The following NBAS variants were observed in gnomAD, a reference collection of about 807,000 sequenced individuals.
NBAS encodes the protein NBAS subunit of NRZ tethering complex.
Under a neutral mutation model 302.5 loss-of-function variants are expected in NBAS, and 219 were observed. That is an observed-to-expected ratio of 0.72 (90% confidence interval 0.65 to 0.81). The LOEUF (loss-of-function observed/expected upper bound fraction) is 0.81, where lower values mean the gene tolerates loss of function less well. Ranked by LOEUF, NBAS falls within the 30% of genes least tolerant of loss-of-function variation. NBAS has a pLI of 0.00. For synonymous variants in NBAS, 1,118 were observed against 1,021.6 expected, an observed-to-expected ratio of 1.09 and a Z score of -1.80; for missense variants, 2,932 against 2,841.6, an observed-to-expected ratio of 1.03 and a Z score of -0.72.
chr2:15,397,684 G>T, intron 26 of NBAS: 1 of 516,738 alleles, frequency 1.9e-6, no homozygotes, highest in East Asian at 5.4e-5. Flanking sequence ...TAATGCCCTT[G>T]TACTCGGGCA....
At position 15,292,416 on chromosome 2, in the gene NBAS, C is replaced by T. The variant is rs187236453; in HGVS notation, c.5027+121G>A. On this transcript the variant is annotated intron_variant, in intron 41 of 51. Coordinates refer to ENST00000281513, the MANE Select transcript of NBAS (RefSeq NM_015909.4). ...TAAGACTAGATGAAGTTGGGGAAAG[C>T]CCTATTCATAGCAACCATGAATGTA... 206 of 1,015,224 alleles carry T rather than the reference C, an allele frequency of 2.0e-4. 1 individual carries two copies. The highest frequency in any genetic ancestry group is 1.6e-3 in the Middle Eastern group (6 of 3,656). The allele number at this position is 1,015,224 out of a possible 1,614,324, so 62.9% of individuals were successfully genotyped here.
chr2:14,797,989 C>G, the NBAS span, among the ~76,000 whole-genome samples: 1 of 152,212 alleles, frequency 6.6e-6, no homozygotes, highest in African/African-American at 2.4e-5. Context: ...CTTCTAGTAA[C>G]TTCCGTGTCA....
At chr2:14,959,766 C>T in the NBAS span, among the ~76,000 whole-genome samples, 1 of 152,178 alleles carries the variant, frequency 6.6e-6, no homozygotes, top group Non-Finnish European at 1.5e-5. Context: ...TCCTCAAACC[C>T]AGTTCAAATA....
chr2:14,853,611 A>G, the NBAS span, among the ~76,000 whole-genome samples: 1 of 85,128 alleles, frequency 1.2e-5, no homozygotes, highest in Admixed American at 1.2e-4. Flanking sequence ...TGCTATAAAG[A>G]CACATGCACA....
the NBAS span, among the ~76,000 whole-genome samples, chr2:14,953,055 T>C: frequency 6.6e-6 from 1 of 152,152 alleles, no homozygotes; most frequent in South Asian, 2.1e-4. Flanking sequence ...AAGGATGTTC[T>C]GGGTGGAGGA....
At chr2:15,314,462 A>G (rs1671419674) in intron 38 of NBAS, among the ~76,000 whole-genome samples, 1 of 152,224 alleles carries the variant, frequency 6.6e-6, no homozygotes, top group Non-Finnish European at 1.5e-5. Flanking sequence ...ATTTGAAAGA[A>G]TGAATGGTAT....
the NBAS span, among the ~76,000 whole-genome samples, chr2:14,901,510 A>G: frequency 6.6e-6 from 1 of 152,206 alleles, no homozygotes; most frequent in East Asian, 1.9e-4. Flanking sequence ...AAACACTTTA[A>G]GGGATAAAAA....
the NBAS span, among the ~76,000 whole-genome samples, chr2:14,932,216 G>A: frequency 6.6e-6 from 1 of 152,240 alleles, no homozygotes; most frequent in African/African-American, 2.4e-5. Context: ...CCAGGAGCTG[G>A]CATGAACCAA....
In NBAS at chr2:15,415,705, T is replaced by C. The variant is rs1676897478; in HGVS notation, c.2778A>G (p.Lys926=). 6.2e-7 allele frequency: 1 copy of C among 1,614,172 alleles called. No individual in the cohort carries two copies. Among genetic ancestry groups the C allele is most frequent in the Non-Finnish European group, 8.5e-7 (1 of 1,180,020 alleles). Residue 926 remains lysine, a synonymous_variant, in exon 25 of 52, where the codon AAA becomes AAG. Transcript: ENST00000281513. ...RLLMNSCSED[K]YVTSAYQWMV... The stretch of plus-strand genomic sequence containing the variant: ...TCCACTGGTAGGCACTTGTCACATA[T>C]TTATCCTCAGAACACTGAAAGTACA...
chr2:15,019,514 A>G, the NBAS span, among the ~76,000 whole-genome samples: 1 of 152,152 alleles, frequency 6.6e-6, no homozygotes, highest in South Asian at 2.1e-4. Context: ...GTGCCTAGAT[A>G]TGGAAGTCAG....
At chr2:15,040,020 A>G in the NBAS span, among the ~76,000 whole-genome samples, 1 of 152,184 alleles carries the variant, frequency 6.6e-6, no homozygotes, top group Admixed American at 6.5e-5. Flanking sequence ...AGAGAATGAC[A>G]GCTCAGCAGA....
At chr2:15,127,449 G>T in the NBAS span, among the ~76,000 whole-genome samples, 1 of 152,208 alleles carries the variant, frequency 6.6e-6, no homozygotes, top group African/African-American at 2.4e-5. Context: ...CTTCTTCCCT[G>T]TGTCGCAGCA....
chr2:15,266,825 C>T (rs192582382), intron 44 of NBAS, among the ~76,000 whole-genome samples: 1 of 152,202 alleles, frequency 6.6e-6, no homozygotes, highest in African/African-American at 2.4e-5. Context: ...ACTGAGAATT[C>T]CCAAATGTAT....
At chr2:15,194,912 T>C (rs1320338067) in intron 48 of NBAS, among the ~76,000 whole-genome samples, 2 of 151,904 alleles carry the variant, frequency 1.3e-5, no homozygotes, top group Admixed American at 6.6e-5. Flanking sequence ...AAAGAAAAAA[T>C]AAAATTCTAT....
intron 6 of NBAS, among the ~76,000 whole-genome samples, chr2:15,545,037 C>T (rs902176884): frequency 1.3e-5 from 2 of 151,918 alleles, no homozygotes; most frequent in Middle Eastern, 3.4e-3. Flanking sequence ...ATCCAATACC[C>T]GCGCTATACC....
At chr2:14,785,734 G>A in the NBAS span, among the ~76,000 whole-genome samples, 1 of 152,182 alleles carries the variant, frequency 6.6e-6, no homozygotes, top group African/African-American at 2.4e-5. Context: ...GTATTTTATT[G>A]AGGATTTTTG....
At chr2:15,065,398 CA>C in the NBAS span, among the ~76,000 whole-genome samples, 1 of 152,004 alleles carries the variant, frequency 6.6e-6, no homozygotes, top group African/African-American at 2.4e-5. Flanking sequence ...AAGTCCTAGA[CA>C]GAGCAATTAG....
chr2:15,293,928 C>CT (rs1200467182), intron 40 of NBAS, among the ~76,000 whole-genome samples: 1 of 152,080 alleles, frequency 6.6e-6, no homozygotes, highest in African/African-American at 2.4e-5. Context: ...TTCCCTACCT[C>CT]TATGCATACA....
the NBAS span, among the ~76,000 whole-genome samples, chr2:14,922,012 A>C: frequency 6.6e-6 from 1 of 152,178 alleles, no homozygotes; most frequent in Non-Finnish European, 1.5e-5. Flanking sequence ...CCAAGGAGGC[A>C]TCTGTGTGTT....
Sources: gnomAD v4.1 joint callset for allele counts (sites outside exome capture counted in the v4.1 genomes callset) on GRCh38, gnomAD v4.1.1 for gene constraint, MANE v1.5 for transcripts, NCBI Gene and HGNC (gene_info 2026-07-23, HGNC 2026-07-21) for gene names.